Variants in TFEC observed in about 807,000 individuals in gnomAD.
TFEC encodes the protein class E basic helix-loop-helix protein 34.
In TFEC, 31 loss-of-function variants were observed where a neutral mutation model predicts 41.6. The ratio of observed to expected loss-of-function variants is 0.74; its 90% CI spans 0.56 to 1.01. The LOEUF is 1.01. TFEC is among the 50% of genes least tolerant of loss of function. TFEC has a pLI of 0.00. For synonymous variants in TFEC, 143 were observed against 140.6 expected (o/e 1.02, Z -0.12); for missense variants, 402 against 404.1 (o/e 0.99, Z 0.04).
chr7:116,158,660 T>C (rs1034004254), intron 1 of TFEC, among the ~76,000 whole-genome samples: 1 of 152,096 alleles, frequency 6.6e-6, no homozygotes, highest in African/African-American at 2.4e-5. Flanking sequence ...TGAAGTTTGG[T>C]TGTGCTCTCC....
chr7:116,085,776 A>G (rs1475911706), intron 3 of TFEC, among the ~76,000 whole-genome samples: 1 of 151,926 alleles, frequency 6.6e-6, no homozygotes, highest in South Asian at 2.1e-4. Context: ...TTTAGCTGGA[A>G]CTGTGTGTAA....
chr7:116,023,931 T>C (rs868541863), intron 1 of TFEC, among the ~76,000 whole-genome samples: 2 of 152,294 alleles, frequency 1.3e-5, no homozygotes, highest in Middle Eastern at 3.4e-3. Flanking sequence ...AGGCAATTAG[T>C]GGGAAATGGA....
intron 3 of TFEC, among the ~76,000 whole-genome samples, chr7:116,064,499 G>A (rs1796647377): frequency 1.3e-5 from 2 of 151,868 alleles, no homozygotes; most frequent in South Asian, 4.2e-4. Context: ...AAAGAAAAAA[G>A]GAAAGAGAAA....
intron 3 of TFEC, among the ~76,000 whole-genome samples, chr7:116,096,978 T>C (rs930816892): frequency 6.6e-6 from 1 of 151,838 alleles, no homozygotes; most frequent in Non-Finnish European, 1.5e-5. Flanking sequence ...TAATCCCAGC[T>C]ACTCGGGAGG....
chr7:116,003,834 TA>T (rs922303065), intron 1 of TFEC, among the ~76,000 whole-genome samples: 81 of 151,862 alleles, frequency 5.3e-4, no homozygotes, highest in African/African-American at 1.7e-3. Flanking sequence ...AAAAGATAGC[TA>T]AAAAAAACCC....
intron 3 of TFEC, among the ~76,000 whole-genome samples, chr7:115,957,755 T>A (rs889081894): frequency 3.3e-5 from 5 of 151,930 alleles, no homozygotes; most frequent in East Asian, 3.9e-4. Flanking sequence ...ATAAAACATA[T>A]AATAAAACAA....
At chr7:116,065,628 T>C (rs1000713566) in intron 3 of TFEC, among the ~76,000 whole-genome samples, 3 of 152,046 alleles carry the variant, frequency 2.0e-5, no homozygotes, top group African/African-American at 7.2e-5. Context: ...TCAGCAATAC[T>C]TGTGTATGGA....
At chr7:116,102,248 C>G (rs892540027) in intron 3 of TFEC, among the ~76,000 whole-genome samples, 1 of 152,084 alleles carries the variant, frequency 6.6e-6, no homozygotes, top group African/African-American at 2.4e-5. Flanking sequence ...CAAAATAGGT[C>G]AGTGGGAGGG....
At chr7:116,092,695 ATTTG>A (rs1797356934) in intron 3 of TFEC, among the ~76,000 whole-genome samples, 1 of 152,084 alleles carries the variant, frequency 6.6e-6, no homozygotes, top group African/African-American at 2.4e-5. Flanking sequence ...CATTTAATTA[ATTTG>A]TTTGGGCATT....
At position 115,935,700 on chromosome 7, in the gene TFEC, A is replaced by G. The variant is rs1197947392; in HGVS notation, c.*4851T>C. 6.6e-6 allele frequency: 1 copy of G among 151,650 alleles called. No homozygotes were observed. Among genetic ancestry groups the G allele is most frequent in the Non-Finnish European group, 1.5e-5 (1 of 67,628 alleles). 9.4% of individuals were successfully genotyped at this position (151,650 alleles called of 1,614,324 possible). A position where few individuals can be genotyped will look rare whatever the true frequency, so the allele number is the denominator to read the frequency against. ...AAAATTTATATTCTATGGAAAAAAT[A>G]CAGTGACAATATAGAATTTTTGCAA... On this transcript the variant is annotated 3_prime_UTR_variant, in exon 8 of 8. Coordinates refer to ENST00000265440, the MANE Select transcript of TFEC (RefSeq NM_012252.4).
chr7:116,062,600 T>TATATAA (rs1796594821), intron 3 of TFEC, among the ~76,000 whole-genome samples: 1 of 132,092 alleles, frequency 7.6e-6, no homozygotes, highest in Non-Finnish European at 1.6e-5. Context: ...TATATATATA[T>TATATAA]CACATTTTTT....
intron 3 of TFEC, chr7:115,968,333 G>C: frequency 3.4e-6 from 5 of 1,476,102 alleles, no homozygotes; most frequent in Non-Finnish European, 4.5e-6. Flanking sequence ...GTTCTTCTTT[G>C]GACTTTAAGA....
intron 6 of TFEC, among the ~76,000 whole-genome samples, chr7:115,943,460 T>C (rs1046665567): frequency 2.0e-5 from 3 of 151,916 alleles, no homozygotes; most frequent in Admixed American, 2.0e-4. Context: ...TATTTGAAGT[T>C]TAAAGTACTA....
exon 3 of TFEC, chr7:116,110,806 T>C (rs1797837004): frequency 1.3e-6 from 2 of 1,548,528 alleles, no homozygotes; most frequent in Non-Finnish European, 8.7e-7. Context: ...TGGAACTCTG[T>C]TCTATGGGCA....
rs1794384764 is a variant in TFEC at position 115,996,750 on chromosome 7, C to A, written c.-72-12237G>T. Among the ~76,000 whole-genome samples, 2 of 151,984 alleles carry A rather than the reference C, an allele frequency of 1.3e-5. 1 individual carries two copies. The highest frequency in any genetic ancestry group is 4.1e-4 in the South Asian group (2 of 4,822). On this transcript the variant is annotated intron_variant, in intron 1 of 7. Coordinates refer to ENST00000265440, the MANE Select transcript of TFEC (RefSeq NM_012252.4). ...GCTGGCAGCATTCACCAAAAGCTGA[C>A]TGAAGAGACCTTGGGTCTTGAGTGA...
chr7:116,066,138 A>T (rs1796689575), intron 3 of TFEC, among the ~76,000 whole-genome samples: 1 of 152,174 alleles, frequency 6.6e-6, no homozygotes, highest in Non-Finnish European at 1.5e-5. Context: ...TGGCTCTTCT[A>T]TCCCTATTGA....
chr7:116,152,341 C>A (rs980589956), intron 1 of TFEC, among the ~76,000 whole-genome samples: 1 of 152,146 alleles, frequency 6.6e-6, no homozygotes, highest in African/African-American at 2.4e-5. Context: ...GTCCAGTGTT[C>A]TTTTTGAATT....
intron 1 of TFEC, among the ~76,000 whole-genome samples, chr7:116,140,937 C>T (rs1798527848): frequency 6.6e-6 from 1 of 152,284 alleles, no homozygotes; most frequent in African/African-American, 2.4e-5. Flanking sequence ...AACAAATTTT[C>T]CCCACCATCC....
At chr7:116,099,292 T>G (rs993397993) in intron 3 of TFEC, among the ~76,000 whole-genome samples, 1 of 152,190 alleles carries the variant, frequency 6.6e-6, no homozygotes, top group African/African-American at 2.4e-5. Context: ...AGCACAAGAT[T>G]CTAGTAATGA....
Sources: gnomAD v4.1 joint callset for allele counts (sites outside exome capture counted in the v4.1 genomes callset) on GRCh38, gnomAD v4.1.1 for gene constraint, MANE v1.5 for transcripts, NCBI Gene and HGNC (gene_info 2026-07-23, HGNC 2026-07-21) for gene names.